Variants in LY86 observed in about 807,000 individuals in gnomAD.
LY86 encodes lymphocyte antigen 86, also known as MD-1, RP105-associated.
LY86 carries 20 observed loss-of-function variants against 17.3 expected under a neutral mutation model. The ratio of observed to expected loss-of-function variants is 1.15; its 90% confidence interval spans 0.81 to 1.68. The LOEUF (loss-of-function observed/expected upper bound fraction) is 1.68. Among genes scored for constraint, LY86 ranks in the 40% most tolerant of loss-of-function variants. The pLI is 0.00. For missense variants in LY86, 200 were observed against 191.9 expected (o/e 1.04, Z -0.25); for synonymous variants, 74 against 70.6 (o/e 1.05, Z -0.24).
chr6:6,609,221 C>T (rs2113111249), intron 1 of LY86, among the ~76,000 whole-genome samples: 1 of 152,324 alleles, frequency 6.6e-6, no homozygotes, highest in East Asian at 1.9e-4. Context: ...AAACACCTCC[C>T]TCCTTCCTGT....
chr6:6,626,826 G>GA (rs59921563), intron 3 of LY86, among the ~76,000 whole-genome samples: 92 of 144,722 alleles, frequency 6.4e-4, no homozygotes, highest in African/African-American at 1.5e-3. Context: ...CTTCAAAAAC[G>GA]AAAAAAAAAA....
At chr6:6,640,909 G>A (rs1762031118) in intron 3 of LY86, among the ~76,000 whole-genome samples, 1 of 152,208 alleles carries the variant, frequency 6.6e-6, no homozygotes, top group Admixed American at 6.5e-5. Flanking sequence ...TCTCTAGGTA[G>A]TGAAAGGCCG....
At chr6:6,625,503 G>C (rs996582451) in intron 2 of LY86, among the ~76,000 whole-genome samples, 1 of 152,164 alleles carries the variant, frequency 6.6e-6, no homozygotes, top group Non-Finnish European at 1.5e-5. Flanking sequence ...GTAAGCTAGA[G>C]CACTTTCTGA....
chr6:6,611,987 A>AACTCAGTACTGAAC (rs1761354877), intron 1 of LY86, among the ~76,000 whole-genome samples: 2 of 57,776 alleles, frequency 3.5e-5, no homozygotes, highest in Non-Finnish European at 6.1e-5. Flanking sequence ...CTACCCCCTT[A>AACTCAGTACTGAAC]ACTGAGTACT....
At chr6:6,608,157 G>A (rs780354134) in intron 1 of LY86, among the ~76,000 whole-genome samples, 3 of 152,196 alleles carry the variant, frequency 2.0e-5, no homozygotes, top group Non-Finnish European at 2.9e-5. Context: ...TGTACTGAAG[G>A]ACCTCACCAG....
chr6:6,600,962 A>G (rs1043446796), intron 1 of LY86, among the ~76,000 whole-genome samples: 5 of 152,356 alleles, frequency 3.3e-5, no homozygotes, highest in Admixed American at 1.3e-4. Context: ...ACTTGACTTC[A>G]GTTTTGACTA....
At chr6:6,612,476 G>T (rs35936147) in intron 1 of LY86, among the ~76,000 whole-genome samples, 1 of 152,006 alleles carries the variant, frequency 6.6e-6, no homozygotes, top group Non-Finnish European at 1.5e-5. Flanking sequence ...AAGCAATGCA[G>T]ACCCAAAGTG....
At chr6:6,619,823 G>A (rs1761633780) in intron 1 of LY86, among the ~76,000 whole-genome samples, 1 of 152,096 alleles carries the variant, frequency 6.6e-6, no homozygotes, top group African/African-American at 2.4e-5. Context: ...AAGAAAAAGA[G>A]AAACAGAGAG....
chr6:6,595,871 C>T (rs1760697170), intron 1 of LY86, among the ~76,000 whole-genome samples: 1 of 152,144 alleles, frequency 6.6e-6, no homozygotes, highest in Non-Finnish European at 1.5e-5. Context: ...GGGGAGGAAG[C>T]CCTATTCAGC....
At chr6:6,613,264 C>T (rs1212848045) in intron 1 of LY86, among the ~76,000 whole-genome samples, 20 of 152,252 alleles carry the variant, frequency 1.3e-4, no homozygotes, top group Non-Finnish European at 7.3e-5. Context: ...GCCAATCCCG[C>T]GCCGTGCGCC....
chr6:6,605,407 G>A (rs557046514), intron 1 of LY86, among the ~76,000 whole-genome samples: 6 of 152,294 alleles, frequency 3.9e-5, no homozygotes, highest in African/African-American at 1.4e-4. Flanking sequence ...TGAGTACATC[G>A]CAATGAACAG....
At chr6:6,607,418 G>A (rs1361837251) in intron 1 of LY86, among the ~76,000 whole-genome samples, 1 of 152,188 alleles carries the variant, frequency 6.6e-6, no homozygotes, top group African/African-American at 2.4e-5. Context: ...TAAGATATTC[G>A]TGTTAAATTT....
At chr6:6,612,516 CAAAAGA>C (rs911396661) in intron 1 of LY86, among the ~76,000 whole-genome samples, 8 of 150,794 alleles carry the variant, frequency 5.3e-5, no homozygotes, top group South Asian at 2.1e-4. Flanking sequence ...CTGCAAAAAG[CAAAAGA>C]ACAAACCAAC....
chr6:6,594,180 TACTC>T (rs1208260757), intron 1 of LY86, among the ~76,000 whole-genome samples: 1 of 152,094 alleles, frequency 6.6e-6, no homozygotes, highest in Non-Finnish European at 1.5e-5. Context: ...GTTTCCCTGA[TACTC>T]ACAGTCTACC....
At chr6:6,620,058 T>C (rs714521) in intron 1 of LY86, among the ~76,000 whole-genome samples, 43,577 of 151,962 alleles carry the variant, frequency 0.29, 6,608 homozygotes, top group East Asian at 0.43. Context: ...GAATTCTACC[T>C]TCCCCTGAGA....
At chr6:6,603,366 T>TCA (rs1465503093) in intron 1 of LY86, among the ~76,000 whole-genome samples, 4 of 26,958 alleles carry the variant, frequency 1.5e-4, no homozygotes, top group African/African-American at 5.8e-4. Context: ...CCAAGACAGT[T>TCA]CACAAAAATT....
intron 1 of LY86, among the ~76,000 whole-genome samples, chr6:6,602,760 T>C (rs991392429): frequency 6.6e-6 from 1 of 152,176 alleles, no homozygotes; most frequent in Non-Finnish European, 1.5e-5. Flanking sequence ...AACTCCCACC[T>C]GTTATTTGTT....
At chr6:6,624,866 G>A (rs1408730267) in intron 1 of LY86, 60 bp from the exon 2 acceptor site, 3 of 747,698 alleles carry the variant, frequency 4.0e-6, no homozygotes, top group Admixed American at 2.6e-5. Context: ...TGCAAATTTT[G>A]AATATGTTTG....
At chr6:6,630,149 C>T (rs1278444536) in intron 3 of LY86, among the ~76,000 whole-genome samples, 3 of 152,138 alleles carry the variant, frequency 2.0e-5, no homozygotes, top group Non-Finnish European at 4.4e-5. Flanking sequence ...TGCAAGGTTA[C>T]TCTTTTAAGT....
Sources: gnomAD v4.1 joint callset for allele counts (sites outside exome capture counted in the v4.1 genomes callset) on GRCh38, gnomAD v4.1.1 for gene constraint, MANE v1.5 for transcripts, NCBI Gene and HGNC (gene_info 2026-07-23, HGNC 2026-07-21) for gene names.